Variants in ZNF638 observed in about 807,000 individuals in gnomAD.
The protein encoded by ZNF638 is zinc finger protein 638.
Under a neutral mutation model 195.6 loss-of-function variants are expected in ZNF638, and 46 were observed. The observed-to-expected ratio is 0.24, with a 90% CI of 0.19 to 0.30. The LOEUF (loss-of-function observed/expected upper bound fraction) is 0.30. Ranked by LOEUF, ZNF638 falls within the 10% of genes least tolerant of loss-of-function variation. The probability of loss-of-function intolerance (pLI) is 1.00; values close to 1 mark genes in which losing one functional copy is unlikely to be tolerated. For missense variants in ZNF638, 2,440 were observed against 2,325.3 expected, an observed-to-expected ratio of 1.05 and a Z score of -1.01; for synonymous variants, 845 against 772.0, an observed-to-expected ratio of 1.09 and a Z score of -1.57.
At chr2:71,409,949 A>C (rs1043802660) in intron 20 of ZNF638, among the ~76,000 whole-genome samples, 1 of 152,178 alleles carries the variant, frequency 6.6e-6, no homozygotes, top group South Asian at 2.1e-4. Context: ...ATGTGGAGGC[A>C]GTACATTTTC....
In ZNF638 at chr2:71,371,895, C is replaced by T. The variant is rs536857019; in HGVS notation, c.2265+1890C>T. ...TGTTGTTTCCTTTGCTCTGCAGAAG[C>T]TTTTTAACTTGAAGTGGTCCCATTT... On this transcript the variant is annotated intron_variant, in intron 8 of 27. Coordinates refer to ENST00000264447, the MANE Select transcript of ZNF638 (RefSeq NM_014497.5). 7.2e-5 allele frequency among the ~76,000 whole-genome samples: 11 copies of T among 152,074 alleles called. No individual in the cohort carries two copies. In the South Asian group the frequency reaches 1.9e-3, roughly 26 times the overall value.
rs372957484 is a variant in ZNF638, at chr2:71,423,373, A to G, written c.3859A>G (p.Ile1287Val). Residue 1287 changes from isoleucine (I) to valine (V), a missense_variant, in exon 22 of 28, where the codon ATT (isoleucine) becomes GTT (valine). By Grantham distance (29) the Ile-to-Val change is conservative. This residue lies in a region of ZNF638 where 1,883 missense variants were observed against 1,739.1 expected (regional missense o/e 1.08). Coordinates refer to ENST00000264447, the MANE Select transcript of ZNF638 (RefSeq NM_014497.5). ...STCIVTLVPGIPTGDEKTVDK... is the reference protein window; with the variant it reads ...STCIVTLVPGVPTGDEKTVDK... ...TTGTATTGTGACGTTAGTACCAGGA[A>G]TTCCCACTGGGGATGAGAAGACAGT... 51 of 1,613,988 alleles carry G rather than the reference A, an allele frequency of 3.2e-5. No individual in the cohort carries two copies. The African/African-American group carries it at 5.6e-4, about 18-fold the overall frequency.
chr2:71,336,238 T>G (rs906553758), intron 1 of ZNF638, among the ~76,000 whole-genome samples: 3 of 151,710 alleles, frequency 2.0e-5, no homozygotes, highest in Admixed American at 6.6e-5. Flanking sequence ...GGGGTGGTGG[T>G]GCATGTCTGT....
At chr2:71,348,129 A>G (rs3771376) in intron 1 of ZNF638, among the ~76,000 whole-genome samples, 72,921 of 152,074 alleles carry the variant, frequency 0.48, 18,982 homozygotes, top group Admixed American at 0.61. Flanking sequence ...ATTATGTTCT[A>G]TGTTATAACG....
At chr2:71,363,325 A>C (rs2079139771) in intron 4 of ZNF638, 134 bp downstream of exon 4, 5 of 638,418 alleles carry the variant, frequency 7.8e-6, no homozygotes, top group Non-Finnish European at 1.3e-5. Flanking sequence ...ACCTCTATGA[A>C]TCTTTAACTT....
chr2:71,401,561 C>A (rs931966216), intron 15 of ZNF638, among the ~76,000 whole-genome samples: 1 of 152,006 alleles, frequency 6.6e-6, no homozygotes, highest in East Asian at 1.9e-4. Flanking sequence ...TGTTTTAAAA[C>A]AGTGGGTGAC....
At chr2:71,393,684 G>T in intron 10 of ZNF638, 1 of 709,254 alleles carries the variant, frequency 1.4e-6, no homozygotes, top group Non-Finnish European at 2.6e-6. Flanking sequence ...TTATGCTCTC[G>T]CTTCCCCTGC....
intron 10 of ZNF638, among the ~76,000 whole-genome samples, chr2:71,391,377 T>G (rs533376044): frequency 6.6e-6 from 1 of 152,326 alleles, no homozygotes; most frequent in African/African-American, 2.4e-5. Context: ...CTTGCCAATT[T>G]CATTGGAAAG....
Position 71,393,474 on chromosome 2 carries a change from A to T in ZNF638, c.2378-2667A>T, listed in dbSNP as rs930220281. ...CCAACACAGTACCAGAAGTGAAGGA[A>T]ATGATCCTGCAGGACCCGCAGCTCC... On this transcript the variant is annotated intron_variant, in intron 10 of 27. Coordinates refer to ENST00000264447, the MANE Select transcript of ZNF638 (RefSeq NM_014497.5). 4.2e-6 allele frequency: 3 copies of T among 717,906 alleles called. No individual in the cohort carries two copies. In the African/African-American group the frequency reaches 5.2e-5, roughly 13 times the overall value. 44.5% of individuals were successfully genotyped at this position (717,906 alleles called of 1,614,324 possible). A position where few individuals can be genotyped will look rare whatever the true frequency, so the allele number is the denominator to read the frequency against.
intron 14 of ZNF638, 114 bp downstream of exon 14, chr2:71,400,294 G>T (rs2079980730): frequency 9.4e-7 from 1 of 1,058,782 alleles, no homozygotes. Context: ...CTGAAATTTT[G>T]ATCTCAGAAT....
intron 10 of ZNF638, chr2:71,388,316 ACCTTTGATCATCCG>A (rs2079688041): frequency 1.5e-5 from 7 of 462,226 alleles, no homozygotes; most frequent in South Asian, 7.8e-5. Context: ...TGATCATCCG[ACCTTTGATCATCCG>A]ACCTTTGATC....
chr2:71,417,459 T>C (rs2152595125), intron 20 of ZNF638, among the ~76,000 whole-genome samples: 1 of 152,292 alleles, frequency 6.6e-6, no homozygotes, highest in South Asian at 2.1e-4. Context: ...CGCTGGGAGC[T>C]GTAGACCGGA....
intron 22 of ZNF638, 109 bp downstream of exon 22, chr2:71,424,147 T>G: frequency 7.1e-7 from 1 of 1,408,086 alleles, no homozygotes; most frequent in Admixed American, 2.6e-5. Context: ...ATCTCCTCAC[T>G]CTACCCCGGA....
At position 71,363,150 on chromosome 2, in the gene ZNF638, T is replaced by C; in HGVS notation, c.1380-3T>C. ...TAGTTAATATTGTTTATTTTCAAAA[T>C]AGGTATCCTGATTGGAATCCTGAGA... On this transcript the variant is annotated splice_polypyrimidine_tract_variant and splice_region_variant and intron_variant, in intron 3 of 27. Coordinates refer to ENST00000264447, the MANE Select transcript of ZNF638 (RefSeq NM_014497.5). The C allele has an allele frequency of 6.3e-7, 1 of 1,595,654 alleles. No homozygotes were observed. Among genetic ancestry groups the C allele is most frequent in the Non-Finnish European group, 8.6e-7 (1 of 1,167,964 alleles).
Position 71,396,084 on chromosome 2 carries a change from A to G in ZNF638, c.2378-57A>G, listed in dbSNP as rs373165443. On this transcript the variant is annotated intron_variant, in intron 10 of 27. Coordinates refer to ENST00000264447, the MANE Select transcript of ZNF638 (RefSeq NM_014497.5). ...ATTATTGCTAGGTTGACTTTTAACTAAATCCAAGTGATGTTATTTGTAATG... is the reference window on the plus strand; with the variant it reads ...ATTATTGCTAGGTTGACTTTTAACTGAATCCAAGTGATGTTATTTGTAATG... 79 of 1,509,998 alleles carry G rather than the reference A, an allele frequency of 5.2e-5. No homozygotes were observed. In the African/African-American group the frequency reaches 1.0e-3, roughly 19 times the overall value. The allele number at this position is 1,509,998 out of a possible 1,614,324, so 93.5% of individuals were successfully genotyped here.
intron 4 of ZNF638, 133 bp from the exon 5 acceptor site, chr2:71,363,821 T>A: frequency 8.6e-7 from 1 of 1,159,086 alleles, no homozygotes; most frequent in Non-Finnish European, 1.2e-6. Flanking sequence ...AGATTTTTGT[T>A]TTAAGTACAT....
At position 71,401,938 on chromosome 2, in the gene ZNF638, T is replaced by TA; in HGVS notation, c.2698-13dup. 6.5e-7 allele frequency: 1 copy of TA among 1,545,872 alleles called. No individual in the cohort carries two copies. Among genetic ancestry groups the TA allele is most frequent in the South Asian group, 1.2e-5 (1 of 81,218 alleles). On this transcript the variant is annotated splice_polypyrimidine_tract_variant and intron_variant, in intron 15 of 27. Transcript: ENST00000264447. ...ACAAAGAAATTTTAATAACAGGTTT[T>TA]AAAAATTTGTTTTGAAGGAAACAGA... is the stretch of plus-strand genomic sequence containing the variant.
At chr2:71,343,401 C>T (rs1274642812) in intron 1 of ZNF638, among the ~76,000 whole-genome samples, 1 of 152,182 alleles carries the variant, frequency 6.6e-6, no homozygotes, top group Non-Finnish European at 1.5e-5. Flanking sequence ...CACCCCACCC[C>T]ACAGTGGCAT....
At chr2:71,432,989 A>C (rs956734559) in intron 26 of ZNF638, among the ~76,000 whole-genome samples, 176 bp from the exon 27 acceptor site, 1 of 152,246 alleles carries the variant, frequency 6.6e-6, no homozygotes, top group East Asian at 1.9e-4. Flanking sequence ...CGGGAGCCTG[A>C]GGCAGGAGAA....
Sources: gnomAD v4.1 joint callset for allele counts (sites outside exome capture counted in the v4.1 genomes callset) on GRCh38, gnomAD v4.1.1 for gene constraint, gnomAD v4.1.1 regional missense constraint, MANE v1.5 for transcripts, NCBI Gene and HGNC (gene_info 2026-07-23, HGNC 2026-07-21) for gene names.